Variants in BRD10 observed in about 807,000 individuals in gnomAD.
BRD10 encodes uncharacterized bromodomain-containing protein 10.
chr9:5,971,617 T>A, the BRD10 span, among the ~76,000 whole-genome samples: 1 of 152,240 alleles, frequency 6.6e-6, no homozygotes, highest in Non-Finnish European at 1.5e-5. Flanking sequence ...TGTCATACTA[T>A]AACTGTCATT....
the BRD10 span, among the ~76,000 whole-genome samples, chr9:5,932,208 A>C: frequency 6.6e-6 from 1 of 152,194 alleles, no homozygotes. Flanking sequence ...ATTAACTAAA[A>C]GCTACTAATA....
the BRD10 span, among the ~76,000 whole-genome samples, chr9:5,983,889 T>G: frequency 6.6e-6 from 1 of 150,690 alleles, no homozygotes; most frequent in Non-Finnish European, 1.5e-5. Context: ...AAACTATGCA[T>G]AGTAAAACAC....
chr9:5,906,013 A>G, the BRD10 span, among the ~76,000 whole-genome samples: 1 of 152,150 alleles, frequency 6.6e-6, no homozygotes, highest in African/African-American at 2.4e-5. Context: ...CATTGTTGCT[A>G]TTATTCATTT....
the BRD10 span, among the ~76,000 whole-genome samples, chr9:5,950,474 G>A: frequency 6.6e-6 from 1 of 152,176 alleles, no homozygotes; most frequent in Non-Finnish European, 1.5e-5. Flanking sequence ...ATCAGTGGTA[G>A]AGCTGGCATT....
At chr9:5,905,019 C>T in the BRD10 span, among the ~76,000 whole-genome samples, 18 of 152,278 alleles carry the variant, frequency 1.2e-4, no homozygotes, top group East Asian at 1.9e-4. Flanking sequence ...GTGATCCACA[C>T]GCCTTGACCT....
chr9:5,885,361 TGAG>T, the BRD10 span, among the ~76,000 whole-genome samples: 1 of 148,322 alleles, frequency 6.7e-6, no homozygotes, highest in Non-Finnish European at 1.5e-5. Context: ...CTGTGCTAGA[TGAG>T]TTGACGTATG....
the BRD10 span, chr9:5,933,648 G>A: frequency 7.8e-6 from 3 of 384,334 alleles, no homozygotes; most frequent in Non-Finnish European, 1.6e-5. Flanking sequence ...ATAACTTAAG[G>A]AATCATAAAG....
chr9:5,924,801 T>C, the BRD10 span: 1 of 1,556,602 alleles, frequency 6.4e-7, no homozygotes, highest in Non-Finnish European at 8.7e-7. Flanking sequence ...TGTATCATGA[T>C]CAGGTTGTCT....
At chr9:5,911,152 C>T in the BRD10 span, among the ~76,000 whole-genome samples, 3 of 152,194 alleles carry the variant, frequency 2.0e-5, no homozygotes, top group African/African-American at 7.2e-5. Flanking sequence ...CCAACGCTTT[C>T]TTTTAGCAGT....
the BRD10 span, among the ~76,000 whole-genome samples, chr9:6,005,367 C>T: frequency 3.3e-5 from 5 of 152,098 alleles, no homozygotes; most frequent in East Asian, 3.9e-4. Context: ...GAAGATTAGC[C>T]GGGCGCGGTG....
the BRD10 span, among the ~76,000 whole-genome samples, chr9:5,911,476 G>T: frequency 4.0e-4 from 59 of 147,252 alleles, no homozygotes; most frequent in African/African-American, 1.5e-3. Context: ...GTAATTTGAA[G>T]TCACATAATG....
the BRD10 span, among the ~76,000 whole-genome samples, chr9:5,949,567 G>A: frequency 6.6e-6 from 1 of 152,242 alleles, no homozygotes; most frequent in East Asian, 1.9e-4. Context: ...CTTAGCAGCT[G>A]GATTCTGGAG....
the BRD10 span, among the ~76,000 whole-genome samples, chr9:5,989,607 C>A: frequency 6.7e-6 from 1 of 149,286 alleles, no homozygotes; most frequent in Non-Finnish European, 1.5e-5. Context: ...TATGATCCTG[C>A]AGCTTCAACC....
chr9:6,008,253 C>T, the BRD10 span: 1 of 983,220 alleles, frequency 1.0e-6, no homozygotes, highest in Non-Finnish European at 1.2e-6. Context: ...TCCTCCTCTC[C>T]CTCACACCCC....
the BRD10 span, chr9:5,968,346 G>T: frequency 6.2e-7 from 1 of 1,610,164 alleles, no homozygotes; most frequent in East Asian, 2.2e-5. Flanking sequence ...AATGGACTGG[G>T]TTCAATCTTT....
At chr9:5,954,339 A>G in the BRD10 span, among the ~76,000 whole-genome samples, 5 of 152,238 alleles carry the variant, frequency 3.3e-5, no homozygotes, top group African/African-American at 1.2e-4. Flanking sequence ...TACCATCTCC[A>G]ATGTGTTATA....
chr9:5,939,958 A>T, the BRD10 span, among the ~76,000 whole-genome samples: 4 of 152,292 alleles, frequency 2.6e-5, no homozygotes, highest in Non-Finnish European at 5.9e-5. Flanking sequence ...TGACCAAAAA[A>T]CTGGGGGAGT....
At chr9:5,938,905 G>A in the BRD10 span, among the ~76,000 whole-genome samples, 1 of 152,100 alleles carries the variant, frequency 6.6e-6, no homozygotes, top group Admixed American at 6.5e-5. Flanking sequence ...CCAAAGCCAT[G>A]AAGTAAAGTA....
the BRD10 span, among the ~76,000 whole-genome samples, chr9:5,937,479 G>C: frequency 1.3e-5 from 2 of 152,100 alleles, no homozygotes; most frequent in Non-Finnish European, 2.9e-5. Context: ...AGGTTGCAGT[G>C]AGCCGAGATC....
Sources: allele counts gnomAD v4.1 joint callset (sites outside exome capture counted in the v4.1 genomes callset), GRCh38; gene constraint gnomAD v4.1.1; transcripts MANE v1.5; gene names NCBI Gene and HGNC (gene_info 2026-07-23, HGNC 2026-07-21).